GALNTL6: variants seen among roughly 807,000 people sequenced by gnomAD.
GALNTL6 encodes the protein polypeptide N-acetylgalactosaminyltransferase like 6.
A neutral mutation model predicts 73.7 loss-of-function variants in GALNTL6; 46 were observed. That is an observed-to-expected ratio of 0.62 (90% CI 0.49 to 0.80). The LOEUF (loss-of-function observed/expected upper bound fraction) is 0.80. Among genes scored for constraint, GALNTL6 ranks in the 30% least tolerant of loss-of-function variants. The pLI is 0.00. For synonymous variants in GALNTL6, 259 were observed against 263.7 expected, an observed-to-expected ratio of 0.98 and a Z score of 0.17; for missense variants, 604 against 755.0, an observed-to-expected ratio of 0.80 and a Z score of 2.34.
At chr4:172,773,200 T>G (rs555892659) in intron 5 of GALNTL6, among the ~76,000 whole-genome samples, 43 of 152,252 alleles carry the variant, frequency 2.8e-4, no homozygotes, top group Admixed American at 8.5e-4. Context: ...AAAATTATTA[T>G]TAGTACTATT....
At chr4:173,020,547 A>C (rs940843447) in intron 11 of GALNTL6, among the ~76,000 whole-genome samples, 1 of 152,192 alleles carries the variant, frequency 6.6e-6, no homozygotes, top group Non-Finnish European at 1.5e-5. Context: ...GTTACAGTCT[A>C]AAACTTTCTA....
intron 5 of GALNTL6, among the ~76,000 whole-genome samples, chr4:172,793,107 T>G (rs1016124175): frequency 6.6e-6 from 1 of 152,232 alleles, no homozygotes; most frequent in Non-Finnish European, 1.5e-5. Flanking sequence ...AGTACTTATT[T>G]GTACCACATT....
At chr4:172,332,711 C>T (rs1008952033) in intron 4 of GALNTL6, among the ~76,000 whole-genome samples, 1 of 152,030 alleles carries the variant, frequency 6.6e-6, no homozygotes, top group Admixed American at 6.6e-5. Flanking sequence ...TGTTCATGAA[C>T]ACTTTGCTTG....
chr4:172,920,259 G>C (rs530306617), intron 8 of GALNTL6, among the ~76,000 whole-genome samples: 17 of 152,140 alleles, frequency 1.1e-4, no homozygotes, highest in Non-Finnish European at 2.2e-4. Flanking sequence ...AAAATAAGCT[G>C]TTCTTTTTTT....
intron 7 of GALNTL6, among the ~76,000 whole-genome samples, chr4:172,834,299 C>G (rs921440757): frequency 6.6e-6 from 1 of 152,086 alleles, no homozygotes; most frequent in Non-Finnish European, 1.5e-5. Context: ...CCCCACATGG[C>G]CCAGGAGTTT....
chr4:172,446,672 A>G (rs1187065805), intron 5 of GALNTL6, among the ~76,000 whole-genome samples: 1 of 152,184 alleles, frequency 6.6e-6, no homozygotes, highest in Non-Finnish European at 1.5e-5. Context: ...ACCTCACCAT[A>G]TGATGAAAAC....
At chr4:172,576,488 T>C (rs1736960341) in intron 5 of GALNTL6, among the ~76,000 whole-genome samples, 1 of 152,214 alleles carries the variant, frequency 6.6e-6, no homozygotes, top group African/African-American at 2.4e-5. Flanking sequence ...TAATGAATAG[T>C]ACAGTGGAAA....
At chr4:172,023,691 T>C (rs1741469640) in intron 2 of GALNTL6, among the ~76,000 whole-genome samples, 1 of 151,950 alleles carries the variant, frequency 6.6e-6, no homozygotes, top group Non-Finnish European at 1.5e-5. Flanking sequence ...ATGTGCTTGA[T>C]ATAAATGATG....
At chr4:172,250,385 C>A (rs1385860246) in intron 3 of GALNTL6, among the ~76,000 whole-genome samples, 1 of 152,058 alleles carries the variant, frequency 6.6e-6, no homozygotes, top group African/African-American at 2.4e-5. Context: ...TGGGATAATG[C>A]TAGAATGAGT....
In GALNTL6 at chr4:172,279,785, G is replaced by A. The variant is rs1488945421; in HGVS notation, c.248-31829G>A. Among the ~76,000 whole-genome samples the A allele has an allele frequency of 3.9e-5, 6 of 152,098 alleles. No homozygotes were observed. In the East Asian group the frequency reaches 9.6e-4, roughly 24 times the overall value. ...AAGATATTTGTATACCCATGTTCATGGTAGCATTATTCACAATAGCCAAGA... is the reference window on the plus strand; with the variant it reads ...AAGATATTTGTATACCCATGTTCATAGTAGCATTATTCACAATAGCCAAGA... On this transcript the variant is annotated intron_variant, in intron 3 of 12. Coordinates refer to ENST00000506823, the MANE Select transcript of GALNTL6 (RefSeq NM_001034845.3).
intron 5 of GALNTL6, among the ~76,000 whole-genome samples, chr4:172,480,105 C>G (rs1733388462): frequency 6.6e-6 from 1 of 152,200 alleles, no homozygotes. Flanking sequence ...CAGGAAAATT[C>G]CTTGAGGCCA....
intron 5 of GALNTL6, among the ~76,000 whole-genome samples, chr4:172,425,514 A>C (rs1185034665): frequency 6.6e-6 from 1 of 152,084 alleles, no homozygotes; most frequent in African/African-American, 2.4e-5. Flanking sequence ...AATGGGGAAC[A>C]AAGAAAAAAA....
chr4:172,354,084 A>T (rs1014937228), intron 5 of GALNTL6, among the ~76,000 whole-genome samples: 16 of 152,126 alleles, frequency 1.1e-4, no homozygotes, highest in African/African-American at 2.9e-4. Context: ...ATATTATACA[A>T]TACTAACACT....
At chr4:172,726,083 A>G (rs1334245379) in intron 5 of GALNTL6, among the ~76,000 whole-genome samples, 2 of 149,848 alleles carry the variant, frequency 1.3e-5, no homozygotes, top group Non-Finnish European at 3.0e-5. Context: ...ATAAACGTAC[A>G]CTGACACACA....
intron 3 of GALNTL6, among the ~76,000 whole-genome samples, chr4:172,285,168 T>C (rs1561006033): frequency 6.6e-6 from 1 of 152,206 alleles, no homozygotes; most frequent in Non-Finnish European, 1.5e-5. Flanking sequence ...TAGAGAACTA[T>C]TACCTTGCAT....
In GALNTL6 at chr4:172,109,013, C is replaced by CAAAAAA. The variant is rs202017302; in HGVS notation, c.139-120619_139-120614dup. Among the ~76,000 whole-genome samples the CAAAAAA allele has an allele frequency of 2.3e-4, 25 of 108,334 alleles. 1 individual carries two copies. The East Asian group carries it at 6.6e-3, about 29-fold the overall frequency. 71.1% of individuals were successfully genotyped at this position (108,334 alleles called of 152,430 possible). On this transcript the variant is annotated intron_variant, in intron 2 of 12. Transcript: ENST00000506823. ...GGGTGACAGAGTGAGACTCCATCTCCAAAAAAAAAAAAAAAAAAAAAAAAA... is the reference window on the plus strand; with the variant it reads ...GGGTGACAGAGTGAGACTCCATCTCCAAAAAAAAAAAAAAAAAAAAAAAAAAAAAAA...
chr4:173,037,841 C>G (rs1753756947), intron 12 of GALNTL6, among the ~76,000 whole-genome samples: 1 of 151,958 alleles, frequency 6.6e-6, no homozygotes, highest in African/African-American at 2.4e-5. Context: ...CTCCTGGGTT[C>G]AAGCGATTCT....
chr4:172,377,326 C>T (rs976096066), intron 5 of GALNTL6, among the ~76,000 whole-genome samples: 88 of 152,286 alleles, frequency 5.8e-4, no homozygotes, highest in African/African-American at 1.9e-3. Flanking sequence ...TCCAGGTCCC[C>T]ACCAGATTAG....
chr4:172,939,678 C>T (rs1320908652), intron 9 of GALNTL6, among the ~76,000 whole-genome samples: 1 of 152,130 alleles, frequency 6.6e-6, no homozygotes, highest in Non-Finnish European at 1.5e-5. Context: ...CGTCACCTCA[C>T]CTTGGGGCAT....
Sources: allele counts gnomAD v4.1 joint callset (sites outside exome capture counted in the v4.1 genomes callset), GRCh38; gene constraint gnomAD v4.1.1; transcripts MANE v1.5; gene names NCBI Gene and HGNC (gene_info 2026-07-23, HGNC 2026-07-21).